Variants in ULK1 observed in about 807,000 individuals in gnomAD.
ULK1 encodes unc-51 like autophagy activating kinase 1, also known as serine/threonine-protein kinase ULK1.
In ULK1, 48 loss-of-function variants were observed where a neutral mutation model predicts 117.5. The observed-to-expected ratio is 0.41, with a 90% confidence interval of 0.32 to 0.52. The LOEUF (loss-of-function observed/expected upper bound fraction) is 0.52. Among genes scored for constraint, ULK1 ranks in the 20% least tolerant of loss-of-function variants. The pLI is 0.29. For missense variants in ULK1, 1,387 were observed against 1,473.4 expected (o/e 0.94, Z 0.96); for synonymous variants, 790 against 637.8 (o/e 1.24, Z -3.60).
chr12:131,919,609 C>T lies in ULK1; in HGVS notation c.2803+19C>T, dbSNP rs749125928. ...AAGCAGGGTGAGGGCTGCGACCGCTCAGCCCACATGCCGGGTTGGGGAGGA... is the reference window on the plus strand; with the variant it reads ...AAGCAGGGTGAGGGCTGCGACCGCTTAGCCCACATGCCGGGTTGGGGAGGA... On this transcript the variant is annotated intron_variant, in intron 25 of 27. Transcript: ENST00000321867. 1.8e-5 allele frequency: 29 copies of T among 1,608,058 alleles called. No individual in the cohort carries two copies. The highest frequency in any genetic ancestry group is 2.7e-5 in the African/African-American group (2 of 74,900).
At chr12:131,904,148 T>A (rs1299231235) in intron 3 of ULK1, among the ~76,000 whole-genome samples, 1 of 152,058 alleles carries the variant, frequency 6.6e-6, no homozygotes, top group Non-Finnish European at 1.5e-5. Context: ...CTGGTGGGCC[T>A]CTGCCTTTCT....
At chr12:131,919,880 G>A (rs1029774044) in intron 25 of ULK1, 99 bp from the exon 26 acceptor site, 4 of 1,487,354 alleles carry the variant, frequency 2.7e-6, no homozygotes, top group Non-Finnish European at 2.7e-6. Flanking sequence ...TGGCAGGGAG[G>A]GAGGGACGTG....
At position 131,922,537 on chromosome 12, in the gene ULK1, G is replaced by A. The variant is rs1801866; in HGVS notation, c.*1176G>A. On this transcript the variant is annotated 3_prime_UTR_variant, in exon 28 of 28. Transcript: ENST00000321867. ...CTGCCTCTGCCTTGCCCAAGGCCAC[G>A]GAGGGCATCTGCAGAGAGGCCTGCC... 5.8e-5 allele frequency: 9 copies of A among 156,340 alleles called. No individual in the cohort carries two copies. The South Asian group carries it at 7.6e-4, about 13-fold the overall frequency. 9.7% of individuals were successfully genotyped at this position (156,340 alleles called of 1,614,324 possible).
rs774370199 is a variant in ULK1, at chr12:131,909,939, C to T, written c.746C>T (p.Ala249Val). ...LVPTIPRETS[A>V]PLRQLLLALL... is the part of the protein sequence containing the mutation. ...CCCAGCATCCCCCGGGAGACCTCGG[C>T]CCCGCTGCGGCAGCTGCTCCTGGCC... Residue 249 changes from alanine to valine, a missense_variant, in exon 10 of 28, where the codon GCC (alanine) becomes GTC (valine). Around this residue, in one of 4 missense-constraint regions of ULK1, gnomAD observed 260 missense variants for 271.6 expected, o/e 0.96. Transcript: ENST00000321867. 11 of 1,611,974 alleles carry T rather than the reference C, an allele frequency of 6.8e-6. No individual in the cohort carries two copies. The South Asian group carries it at 7.7e-5, about 11-fold the overall frequency.
In ULK1 at chr12:131,919,606, G is replaced by A. The variant is rs769785471; in HGVS notation, c.2803+16G>A. 18 of 1,606,938 alleles carry A rather than the reference G, an allele frequency of 1.1e-5. No individual in the cohort carries two copies. Among genetic ancestry groups the A allele is most frequent in the Non-Finnish European group, 1.4e-5 (17 of 1,177,034 alleles). ...GTGAAGCAGGGTGAGGGCTGCGACC[G>A]CTCAGCCCACATGCCGGGTTGGGGA... is the stretch of plus-strand genomic sequence containing the variant. On this transcript the variant is annotated intron_variant, in intron 25 of 27. Transcript: ENST00000321867.
Position 131,909,882 on chromosome 12 carries a change from C to G in ULK1, c.726-37C>G, listed in dbSNP as rs371591725. ...TCCCTTCCCCCGCGGGCTCCGGCCC[C>G]GCAGGCCCTGCTCACACCAGCCTCC... is the stretch of plus-strand genomic sequence containing the variant. On this transcript the variant is annotated intron_variant, in intron 9 of 27. Transcript: ENST00000321867. 3.9e-5 allele frequency: 63 copies of G among 1,610,474 alleles called. No individual in the cohort carries two copies. In the African/African-American group the frequency reaches 7.7e-4, roughly 20 times the overall value.
At chr12:131,911,707 G>A (rs1386089220) in intron 12 of ULK1, among the ~76,000 whole-genome samples, 1 of 152,198 alleles carries the variant, frequency 6.6e-6, no homozygotes, top group Non-Finnish European at 1.5e-5. Context: ...CAGGCTGCAT[G>A]GTGAGAGTGG....
chr12:131,919,362 A>T lies in ULK1; in HGVS notation c.2662A>T (p.Ser888Cys). 7.4e-7 allele frequency: 1 copy of T among 1,342,978 alleles called. No individual in the cohort carries two copies. Among genetic ancestry groups the T allele is most frequent in the Non-Finnish European group, 9.9e-7 (1 of 1,014,244 alleles). 83.2% of individuals were successfully genotyped at this position (1,342,978 alleles called of 1,614,324 possible). A position where few individuals can be genotyped will look rare whatever the true frequency, so the allele number is the denominator to read the frequency against. Reference protein sequence around the residue: ...LQESVVADQISLLSREWGFAE... With the variant: ...LQESVVADQICLLSREWGFAE... Reference sequence around the variant, plus strand: ...GGAGAGTGTGGTGGCCGACCAGATCAGCCTGCTGAGCCGAGAATGGGGGTG... The same window carrying T: ...GGAGAGTGTGGTGGCCGACCAGATCTGCCTGCTGAGCCGAGAATGGGGGTG... The change falls in exon 24 of 28, where the codon AGC becomes TGC. Residue 888 changes from serine (S) to cysteine (C), a missense_variant. This residue lies in a region of ULK1 where 900 missense variants were observed against 858.9 expected (regional missense o/e 1.05). Coordinates refer to ENST00000321867, the MANE Select transcript of ULK1 (RefSeq NM_003565.4).
In ULK1 at chr12:131,907,402, A is replaced by G. The variant is rs559476220; in HGVS notation, c.280-93A>G. 13 of 1,491,850 alleles carry G rather than the reference A, an allele frequency of 8.7e-6. No homozygotes were observed. The African/African-American group carries it at 1.5e-4, about 18-fold the overall frequency. 92.4% of individuals were successfully genotyped at this position (1,491,850 alleles called of 1,614,324 possible). On this transcript the variant is annotated intron_variant, in intron 4 of 27. Coordinates refer to ENST00000321867, the MANE Select transcript of ULK1 (RefSeq NM_003565.4). ...GCAGGTGCCTGCGGGCTCAGGGAGTAGTGTCCAAGTGTGAGGGGTGGGGAG... is the reference window on the plus strand; with the variant it reads ...GCAGGTGCCTGCGGGCTCAGGGAGTGGTGTCCAAGTGTGAGGGGTGGGGAG...
chr12:131,901,355 C>CA lies in ULK1; in HGVS notation c.247-5523dup, dbSNP rs199720837. Among the ~76,000 whole-genome samples, 723 of 100,722 alleles carry CA rather than the reference C, an allele frequency of 7.2e-3. 2 individuals are homozygous for CA. Among genetic ancestry groups the CA allele is most frequent in the African/African-American group, 0.016 (442 of 28,062 alleles). 66.1% of individuals were successfully genotyped at this position (100,722 alleles called of 152,430 possible). ...GCCTGGGTGACAGCGAGACTCGTCT[C>CA]AAAAAAAAAAAAAAGAAAAAAATCA... On this transcript the variant is annotated intron_variant, in intron 3 of 27. Coordinates refer to ENST00000321867, the MANE Select transcript of ULK1 (RefSeq NM_003565.4).
Position 131,917,477 on chromosome 12 carries a change from C to G in ULK1, c.2249C>G (p.Ser750Cys). ...CGTGCTGGGGGCACCAGCAGCCCTT[C>G]CCCGGTGGTCTTCACCGTGGGCTCT... is the stretch of plus-strand genomic sequence containing the variant. Reference protein sequence around the residue: ...GARAGGTSSPSPVVFTVGSPP... With the variant: ...GARAGGTSSPCPVVFTVGSPP... The change falls in exon 22 of 28, where the codon TCC becomes TGC. Residue 750 changes from serine (S) to cysteine (C), a missense_variant. Physicochemically the swap from Ser to Cys is moderately radical, Grantham distance 112 (BLOSUM62 -1). Coordinates refer to ENST00000321867, the MANE Select transcript of ULK1 (RefSeq NM_003565.4). 6.6e-7 allele frequency: 1 copy of G among 1,509,092 alleles called. No homozygotes were observed. Among genetic ancestry groups the G allele is most frequent in the Non-Finnish European group, 8.9e-7 (1 of 1,128,402 alleles). 93.5% of individuals were successfully genotyped at this position (1,509,092 alleles called of 1,614,324 possible).
chr12:131,907,055 C>T lies in ULK1; in HGVS notation c.279+131C>T, dbSNP rs61942431. On this transcript the variant is annotated intron_variant, in intron 4 of 27. Transcript: ENST00000321867. ...TTTTTTTGAGATGGAGTCTCACTGT[C>T]GCCCAGGCTGGAGTGCAGTGCTGCG... 2.2e-3 allele frequency: 2,772 copies of T among 1,274,402 alleles called. 22 individuals carry two copies. The Middle Eastern group carries it at 0.026, about 12-fold the overall frequency. The allele number at this position is 1,274,402 out of a possible 1,614,324, so 78.9% of individuals were successfully genotyped here.
At chr12:131,918,441 T>C in intron 22 of ULK1, 56 bp from the exon 23 acceptor site, 6 of 1,543,674 alleles carry the variant, frequency 3.9e-6, no homozygotes, top group Non-Finnish European at 5.3e-6. Flanking sequence ...GGGGGATGGA[T>C]GGGGGCCACG....
chr12:131,918,670 A>G lies in ULK1; in HGVS notation c.2500A>G (p.Thr834Ala). ...TFEAPDLPEE[T>A]LMEQEHTEIL... ...CGAGGCCCCCGACCTCCCTGAGGAG[A>G]CCCTCATGGAGGTGAGGGCTGGAGT... The change falls in exon 23 of 28, where the codon ACC (threonine) becomes GCC (alanine). Residue 834 changes from threonine to alanine, a missense_variant. This residue lies in a region of ULK1 where 900 missense variants were observed against 858.9 expected (regional missense o/e 1.05). Coordinates refer to ENST00000321867, the MANE Select transcript of ULK1 (RefSeq NM_003565.4). 6.4e-7 allele frequency: 1 copy of G among 1,574,730 alleles called. No homozygotes were observed. The highest frequency in any genetic ancestry group is 8.6e-7 in the Non-Finnish European group (1 of 1,159,716).
At chr12:131,920,342 C>G in intron 26 of ULK1, 1 of 623,928 alleles carries the variant, frequency 1.6e-6, no homozygotes, top group Non-Finnish European at 2.7e-6. Flanking sequence ...GTACGGGTGC[C>G]GTGGCCCATG....
chr12:131,906,966 C>T (rs1331806266), intron 4 of ULK1, 42 bp downstream of exon 4: 2 of 1,613,594 alleles, frequency 1.2e-6, no homozygotes, highest in African/African-American at 1.3e-5. Context: ...GGCTGATGGC[C>T]ATGGCCCTGG....
At chr12:131,919,826 G>A in intron 25 of ULK1, 153 bp from the exon 26 acceptor site, 1 of 1,214,260 alleles carries the variant, frequency 8.2e-7, no homozygotes. Flanking sequence ...GGGACAAGGT[G>A]CGGAGCCTGG....
intron 12 of ULK1, 62 bp downstream of exon 12, chr12:131,910,862 C>A: frequency 6.2e-7 from 1 of 1,601,838 alleles, no homozygotes; most frequent in Non-Finnish European, 8.5e-7. Flanking sequence ...GGGGCTCCAG[C>A]CCTGGGCCCC....
intron 15 of ULK1, 65 bp downstream of exon 15, chr12:131,913,901 C>G: frequency 7.4e-7 from 1 of 1,349,342 alleles, no homozygotes; most frequent in Non-Finnish European, 9.7e-7. Context: ...GGTTGGGCTT[C>G]CTGTGTGTCG....
Sources: gnomAD v4.1 joint callset for allele counts (sites outside exome capture counted in the v4.1 genomes callset) on GRCh38, gnomAD v4.1.1 for gene constraint, gnomAD v4.1.1 regional missense constraint, MANE v1.5 for transcripts, NCBI Gene and HGNC (gene_info 2026-07-23, HGNC 2026-07-21) for gene names.